Variants in WASL observed in about 807,000 individuals in gnomAD.
WASL encodes the protein actin nucleation-promoting factor WASL.
A neutral mutation model predicts 55.5 loss-of-function variants in WASL; 20 were observed. That is an observed-to-expected ratio of 0.36 (90% CI 0.25 to 0.52). The LOEUF is 0.52. Among genes scored for constraint, WASL ranks in the 20% least tolerant of loss-of-function variants. WASL has a pLI of 0.92. For missense variants in WASL, 504 were observed against 622.5 expected, an observed-to-expected ratio of 0.81 and a Z score of 2.03; for synonymous variants, 249 against 217.6, an observed-to-expected ratio of 1.14 and a Z score of -1.27.
At chr7:123,690,200 A>G (rs1204564898) in intron 9 of WASL, among the ~76,000 whole-genome samples, 1 of 152,232 alleles carries the variant, frequency 6.6e-6, no homozygotes, top group Non-Finnish European at 1.5e-5. Flanking sequence ...GATAATGTAA[A>G]GCAGAGAGCA....
intron 4 of WASL, among the ~76,000 whole-genome samples, chr7:123,705,221 G>C (rs1195825692): frequency 6.6e-6 from 1 of 152,136 alleles, no homozygotes; most frequent in East Asian, 1.9e-4. Context: ...GACAGGACAT[G>C]TTTTTGAAGG....
At chr7:123,722,756 G>A (rs926094308) in intron 1 of WASL, among the ~76,000 whole-genome samples, 1 of 152,134 alleles carries the variant, frequency 6.6e-6, no homozygotes, top group Non-Finnish European at 1.5e-5. Flanking sequence ...AGTGAGCCAA[G>A]ATCGCCACTG....
chr7:123,716,463 T>C (rs1373149451), intron 1 of WASL, among the ~76,000 whole-genome samples: 1 of 151,914 alleles, frequency 6.6e-6, no homozygotes, highest in African/African-American at 2.4e-5. Context: ...TTGAATCTGC[T>C]TGACGATTGC....
chr7:123,707,913 T>C (rs1176352560), intron 2 of WASL, among the ~76,000 whole-genome samples: 1 of 152,128 alleles, frequency 6.6e-6, no homozygotes, highest in Admixed American at 6.6e-5. Flanking sequence ...AGCCCGGGAC[T>C]GGTGGCTCAG....
At chr7:123,690,588 C>T (rs1389809179) in intron 9 of WASL, among the ~76,000 whole-genome samples, 1 of 45,332 alleles carries the variant, frequency 2.2e-5, no homozygotes, top group Non-Finnish European at 5.0e-5. Context: ...CATTCTTACA[C>T]ATCAATTAAC....
chr7:123,748,717 C>A lies in WASL; in HGVS notation c.18G>T (p.Gln6His). The A allele has an allele frequency of 6.2e-7, 1 of 1,602,558 alleles. No homozygotes were observed. Residue 6 changes from glutamine (Q) to histidine (H), a missense_variant, in exon 1 of 11, where the codon CAG becomes CAT. By Grantham distance (24) the Gln-to-His change is conservative. Transcript: ENST00000223023. Reference sequence around the variant, plus strand: ...TGACCCTCCGCGGCGGCGGCGGCTGCTGCTGGACGGAGCTCATGGTTTCGC... The same window carrying A: ...TGACCCTCCGCGGCGGCGGCGGCTGATGCTGGACGGAGCTCATGGTTTCGC... MSSVQ[Q>H]QPPPPRRVTN...
intron 1 of WASL, among the ~76,000 whole-genome samples, chr7:123,744,076 C>A (rs1459772790): frequency 2.0e-5 from 3 of 152,202 alleles, no homozygotes; most frequent in Non-Finnish European, 2.9e-5. Context: ...ACCAACAGTG[C>A]CTTACTCAGG....
intron 5 of WASL, among the ~76,000 whole-genome samples, chr7:123,702,030 G>A (rs1803598817): frequency 6.6e-6 from 1 of 150,982 alleles, no homozygotes; most frequent in Non-Finnish European, 1.5e-5. Context: ...AAAACCAATG[G>A]CCAACTCATA....
At position 123,708,264 on chromosome 7, in the gene WASL, A is replaced by G. The variant is rs983977579; in HGVS notation, c.252+825T>C. On this transcript the variant is annotated intron_variant, in intron 2 of 10. Transcript: ENST00000223023. ...TCATTTAATCTCAGTGAAATACCTCATAACAAACCAAGATGGTTATCTGAT... is the reference window on the plus strand; with the variant it reads ...TCATTTAATCTCAGTGAAATACCTCGTAACAAACCAAGATGGTTATCTGAT... 2.0e-5 allele frequency among the ~76,000 whole-genome samples: 3 copies of G among 152,188 alleles called. No homozygotes were observed. In the South Asian group the frequency reaches 6.2e-4, roughly 32 times the overall value.
intron 1 of WASL, among the ~76,000 whole-genome samples, chr7:123,736,403 T>C (rs1804230603): frequency 6.6e-6 from 1 of 152,212 alleles, no homozygotes; most frequent in African/African-American, 2.4e-5. Flanking sequence ...TAAGGTTTTT[T>C]TCCCTTACTA....
At chr7:123,731,143 A>G (rs1411261338) in intron 1 of WASL, among the ~76,000 whole-genome samples, 1 of 152,226 alleles carries the variant, frequency 6.6e-6, no homozygotes, top group Non-Finnish European at 1.5e-5. Context: ...AGTATGCTTC[A>G]GAGTAAGTAT....
chr7:123,697,521 C>T (rs1803512367), intron 5 of WASL, among the ~76,000 whole-genome samples: 1 of 152,162 alleles, frequency 6.6e-6, no homozygotes, highest in Non-Finnish European at 1.5e-5. Flanking sequence ...TGAAAAATTT[C>T]TTAAAAATTC....
chr7:123,719,219 T>C (rs566807885), intron 1 of WASL, among the ~76,000 whole-genome samples: 4 of 152,326 alleles, frequency 2.6e-5, no homozygotes, highest in African/African-American at 9.6e-5. Context: ...GGGAAAATAA[T>C]GTTTCTGATC....
At chr7:123,710,283 A>T (rs1349536889) in intron 1 of WASL, among the ~76,000 whole-genome samples, 1 of 150,608 alleles carries the variant, frequency 6.6e-6, no homozygotes, top group East Asian at 1.9e-4. Context: ...TTTTAATATA[A>T]ATATAAAAAT....
chr7:123,706,650 A>C, intron 3 of WASL, 90 bp downstream of exon 3: 2 of 1,022,450 alleles, frequency 2.0e-6, no homozygotes, highest in Non-Finnish European at 1.5e-6. Flanking sequence ...ATTGAATTTG[A>C]TCTTTCAATA....
At chr7:123,747,891 T>C (rs1804461977) in intron 1 of WASL, among the ~76,000 whole-genome samples, 1 of 151,946 alleles carries the variant, frequency 6.6e-6, no homozygotes, top group African/African-American at 2.4e-5. Flanking sequence ...CTAAGAATCA[T>C]TCTCGGCCCC....
At chr7:123,696,310 A>C (rs1803491329) in intron 6 of WASL, among the ~76,000 whole-genome samples, 1 of 152,040 alleles carries the variant, frequency 6.6e-6, no homozygotes, top group African/African-American at 2.4e-5. Flanking sequence ...TTTTATGTTC[A>C]ATAATTAGTT....
chr7:123,708,901 G>A (rs1461238916), intron 2 of WASL, among the ~76,000 whole-genome samples, 188 bp downstream of exon 2: 1 of 151,350 alleles, frequency 6.6e-6, no homozygotes, highest in Non-Finnish European at 1.5e-5. Flanking sequence ...TCACATTCTG[G>A]CTTCAGACAT....
At chr7:123,727,862 C>T (rs1252963820) in intron 1 of WASL, among the ~76,000 whole-genome samples, 1 of 152,120 alleles carries the variant, frequency 6.6e-6, no homozygotes, top group African/African-American at 2.4e-5. Flanking sequence ...TAAGATGAAG[C>T]GTTAATGCAA....
Sources: allele counts gnomAD v4.1 joint callset (sites outside exome capture counted in the v4.1 genomes callset), GRCh38; gene constraint gnomAD v4.1.1; transcripts MANE v1.5; gene names NCBI Gene and HGNC (gene_info 2026-07-23, HGNC 2026-07-21).